Variants in ABHD1 observed in about 807,000 individuals in gnomAD.
The protein encoded by ABHD1 is protein ABHD1.
In ABHD1, 47 loss-of-function variants were observed where a neutral mutation model predicts 41.4. The observed-to-expected ratio is 1.13, with a 90% confidence interval of 0.90 to 1.45. ABHD1 has a LOEUF of 1.45. Among genes scored for constraint, ABHD1 ranks in the 40% most tolerant of loss-of-function variants. The pLI, the probability that ABHD1 is intolerant of heterozygous loss-of-function variation, is 0.00. For synonymous variants in ABHD1, 205 were observed against 203.7 expected, an observed-to-expected ratio of 1.01 and a Z score of -0.05; for missense variants, 550 against 503.4, an observed-to-expected ratio of 1.09 and a Z score of -0.89.
In ABHD1 at chr2:27,130,538, C is replaced by G; in HGVS notation, c.1012C>G (p.Pro338Ala). Residue 338 changes from proline to alanine, a missense_variant, in exon 9 of 9, where the codon CCC becomes GCC. Transcript: ENST00000316470. ...AACCTCTGACCCTCTCCTAGCCCTT[C>G]CCATACAGGCCGCCCAACACTCCCC... ...DDPFSPVCAL[P>A]IQAAQHSPYV... is the part of the protein sequence containing the mutation. 5 of 1,614,160 alleles carry G rather than the reference C, an allele frequency of 3.1e-6. No individual in the cohort carries two copies. Among genetic ancestry groups the G allele is most frequent in the Non-Finnish European group, 4.2e-6 (5 of 1,179,972 alleles).
chr2:27,128,327 A>C, intron 1 of ABHD1, 114 bp from the exon 2 acceptor site: 3 of 1,268,220 alleles, frequency 2.4e-6, no homozygotes, highest in Non-Finnish European at 3.4e-6. Context: ...CAGACAAAGC[A>C]GGGTCCTCCA....
Position 27,130,376 on chromosome 2 carries a change from CTA to C in ABHD1, c.968_969del (p.Tyr323SerfsTer6), listed in dbSNP as rs765048369. 1.9e-5 allele frequency: 30 copies of C among 1,614,080 alleles called. No individual in the cohort carries two copies. The highest frequency in any genetic ancestry group is 2.4e-5 in the Non-Finnish European group (28 of 1,180,054). On this transcript the variant is annotated frameshift_variant, in exon 8 of 9. Transcript: ENST00000316470. LOFTEE classifies it low-confidence loss of function (END_TRUNC). ...TAGATGCCATCCGGATCCCTGTGCT[CTA>C]TCTCAGTGCAGCAGATGACCCCTTC... ...KIDAIRIPVL[Y>X]LSAADDPFSP...
chr2:27,130,171 G>A lies in ABHD1; in HGVS notation c.840+18G>A, dbSNP rs1180516953. The A allele has an allele frequency of 4.3e-6, 7 of 1,614,036 alleles. No homozygotes were observed. In the African/African-American group the frequency reaches 5.3e-5, roughly 12 times the overall value. On this transcript the variant is annotated intron_variant, in intron 7 of 8. Coordinates refer to ENST00000316470, the MANE Select transcript of ABHD1 (RefSeq NM_032604.4). Reference sequence around the variant, plus strand: ...TACTACAGGTATAATATTCAGCCATGCCCCTGGTTCCCCCAAATGAGTCTT... The same window carrying A: ...TACTACAGGTATAATATTCAGCCATACCCCTGGTTCCCCCAAATGAGTCTT...
At chr2:27,125,122 AGT>A (rs936999982) in intron 1 of ABHD1, 2 of 151,158 alleles carry the variant, frequency 1.3e-5, no homozygotes, top group African/African-American at 4.9e-5. Context: ...GAGCAACAAG[AGT>A]GAAACTCCGT....
In ABHD1 at chr2:27,128,554, C is replaced by T; in HGVS notation, c.228C>T (p.Ser76=). Residue 76 remains serine (S), a synonymous_variant, in exon 2 of 9, where the codon AGC becomes AGT. Coordinates refer to ENST00000316470, the MANE Select transcript of ABHD1 (RefSeq NM_032604.4). ...TLWCFEGRLQ[S]IFQVLLQSQP... is the part of the protein sequence containing the mutation. ...GGTGTTTTGAGGGGCGACTACAAAG[C>T]ATCTTCCAAGTCCTCCTGCAGTCTC... 1 of 1,614,100 alleles carries T rather than the reference C, an allele frequency of 6.2e-7. No homozygotes were observed. Among genetic ancestry groups the T allele is most frequent in the Non-Finnish European group, 8.5e-7 (1 of 1,180,030 alleles).
At chr2:27,124,800 T>C (rs1671889976) in intron 1 of ABHD1, 1 of 156,784 alleles carries the variant, frequency 6.4e-6, no homozygotes, top group Admixed American at 6.1e-5. Flanking sequence ...ACCTAGACTT[T>C]TCCATATTTT....
At chr2:27,124,476 C>T (rs972264891) in intron 1 of ABHD1, 3 of 357,412 alleles carry the variant, frequency 8.4e-6, no homozygotes, top group Non-Finnish European at 1.7e-5. Flanking sequence ...GTAGGACCTC[C>T]CTTCCCTTAA....
chr2:27,130,419 G>A lies in ABHD1; in HGVS notation c.1006+3G>A. 1 of 1,614,146 alleles carries A rather than the reference G, an allele frequency of 6.2e-7. No individual in the cohort carries two copies. Among genetic ancestry groups the A allele is most frequent in the East Asian group, 2.2e-5 (1 of 44,882 alleles). On this transcript the variant is annotated splice_donor_region_variant and intron_variant, in intron 8 of 8. Coordinates refer to ENST00000316470, the MANE Select transcript of ABHD1 (RefSeq NM_032604.4). ...TGACCCCTTCTCCCCCGTCTGTGGTGAGTACTCTGATTCAGGACACTTTGG... is the reference window on the plus strand; with the variant it reads ...TGACCCCTTCTCCCCCGTCTGTGGTAAGTACTCTGATTCAGGACACTTTGG...
In ABHD1 at chr2:27,123,847, C is replaced by T; in HGVS notation, c.-102C>T. ...CAAACTGCCTGCAGCGGGGACCGGA[C>T]CTGCACAGGCCGCCTATGGCGGGCG... is the stretch of plus-strand genomic sequence containing the variant. On this transcript the variant is annotated 5_prime_UTR_variant, in exon 1 of 9. Transcript: ENST00000316470. The T allele has an allele frequency of 2.0e-6, 2 of 1,004,542 alleles. No homozygotes were observed. The highest frequency in any genetic ancestry group is 3.1e-6 in the Non-Finnish European group (2 of 644,830). 62.2% of individuals were successfully genotyped at this position (1,004,542 alleles called of 1,614,324 possible). A position where few individuals can be genotyped will look rare whatever the true frequency, so the allele number is the denominator to read the frequency against.
chr2:27,123,867 C>A lies in ABHD1; in HGVS notation c.-82C>A. ...CCGGACCTGCACAGGCCGCCTATGG[C>A]GGGCGGCGGGTGGGACCGCGAGTTA... is the stretch of plus-strand genomic sequence containing the variant. On this transcript the variant is annotated 5_prime_UTR_variant, in exon 1 of 9. Coordinates refer to ENST00000316470, the MANE Select transcript of ABHD1 (RefSeq NM_032604.4). The A allele has an allele frequency of 8.7e-7, 1 of 1,144,414 alleles. No homozygotes were observed. The highest frequency in any genetic ancestry group is 1.5e-5 in the South Asian group (1 of 67,516). The allele number at this position is 1,144,414 out of a possible 1,614,324, so 70.9% of individuals were successfully genotyped here.
Position 27,128,428 on chromosome 2 carries a change from T to C in ABHD1, c.115-13T>C, listed in dbSNP as rs755916702. On this transcript the variant is annotated splice_polypyrimidine_tract_variant and intron_variant, in intron 1 of 8. Coordinates refer to ENST00000316470, the MANE Select transcript of ABHD1 (RefSeq NM_032604.4). ...AAGTCAGGGAAGTGGGGCAGACTGC[T>C]GTGTGATTACAGAGGCCTCGGCTGG... is the stretch of plus-strand genomic sequence containing the variant. 11 of 1,613,848 alleles carry C rather than the reference T, an allele frequency of 6.8e-6. No individual in the cohort carries two copies. The Admixed American group carries it at 1.7e-4, about 24-fold the overall frequency.
At chr2:27,130,507 G>GT in intron 8 of ABHD1, 26 bp from the exon 9 acceptor site, 1 of 1,612,428 alleles carries the variant, frequency 6.2e-7, no homozygotes, top group Non-Finnish European at 8.5e-7. Context: ...GAAGGCCAGT[G>GT]TTTCTAACCT....
chr2:27,129,042 G>A lies in ABHD1; in HGVS notation c.373G>A (p.Val125Met), dbSNP rs368416096. The A allele has an allele frequency of 3.7e-6, 6 of 1,614,164 alleles. No homozygotes were observed. Among genetic ancestry groups the A allele is most frequent in the African/African-American group, 1.3e-5 (1 of 75,052 alleles). ...QDPDPTTQPI[V>M]LLLPGITGSS... Reference sequence around the variant, plus strand: ...CCCTGATCCTACTACCCAGCCCATTGTGCTGCTGCTTCCTGGCATCACTGG... The same window carrying A: ...CCCTGATCCTACTACCCAGCCCATTATGCTGCTGCTTCCTGGCATCACTGG... The change falls in exon 3 of 9, where the codon GTG (valine) becomes ATG (methionine). Residue 125 changes from valine to methionine, a missense_variant. Val to Met is a conservative substitution (Grantham distance 21). Transcript: ENST00000316470.
chr2:27,127,272 T>A (rs1206440800), intron 1 of ABHD1, among the ~76,000 whole-genome samples: 1 of 134,268 alleles, frequency 7.4e-6, no homozygotes, highest in Non-Finnish European at 1.6e-5. Flanking sequence ...TAAGACGGTG[T>A]TGCTGGGCAC....
chr2:27,129,144 C>A lies in ABHD1; in HGVS notation c.458+17C>A. On this transcript the variant is annotated intron_variant, in intron 3 of 8. Coordinates refer to ENST00000316470, the MANE Select transcript of ABHD1 (RefSeq NM_032604.4). ...TGGCTACCAGTAAGGATGGGTGCAGCCCCAGAGTGGGGTGGCATCTGAGAA... is the reference window on the plus strand; with the variant it reads ...TGGCTACCAGTAAGGATGGGTGCAGACCCAGAGTGGGGTGGCATCTGAGAA... The A allele has an allele frequency of 6.2e-7, 1 of 1,607,852 alleles. No homozygotes were observed. The highest frequency in any genetic ancestry group is 8.5e-7 in the Non-Finnish European group (1 of 1,176,316).
Position 27,123,908 on chromosome 2 carries a change from GGCCA to G in ABHD1, c.-35_-32del, listed in dbSNP as rs769312213. On this transcript the variant is annotated 5_prime_UTR_variant, in exon 1 of 9. It removes the in-frame stop codon of an upstream open reading frame in the 5' UTR. Transcript: ENST00000316470. ...CCGCGAGTTACAGCCGGCCAACTGG[GGCCA>G]GCCAGGAGCCTGAGGGTCGGAAGCC... 3 of 1,582,156 alleles carry G rather than the reference GGCCA, an allele frequency of 1.9e-6. No individual in the cohort carries two copies. In the Admixed American group the frequency reaches 5.0e-5, roughly 27 times the overall value.
At chr2:27,130,201 T>C (rs765710450) in intron 7 of ABHD1, 48 bp downstream of exon 7, 1 of 1,614,078 alleles carries the variant, frequency 6.2e-7, no homozygotes, top group African/African-American at 1.3e-5. Flanking sequence ...AGTCTTCCAC[T>C]ATCTTCCTAT....
At chr2:27,127,286 G>A (rs1671999997) in intron 1 of ABHD1, among the ~76,000 whole-genome samples, 1 of 134,686 alleles carries the variant, frequency 7.4e-6, no homozygotes. Context: ...TGGGCACAGT[G>A]GCTCACGCCT....
chr2:27,127,728 A>G (rs1672030615), intron 1 of ABHD1, among the ~76,000 whole-genome samples: 1 of 150,814 alleles, frequency 6.6e-6, no homozygotes. Flanking sequence ...TGCCTGGCTA[A>G]TTTTTGTACT....
Sources: gnomAD v4.1 joint callset for allele counts (sites outside exome capture counted in the v4.1 genomes callset) on GRCh38, gnomAD v4.1.1 for gene constraint, MANE v1.5 for transcripts, NCBI Gene and HGNC (gene_info 2026-07-23, HGNC 2026-07-21) for gene names.